The following GLCE variants were observed in gnomAD, a reference collection of about 807,000 sequenced individuals.
GLCE encodes the protein D-glucuronyl C5-epimerase.
Under a neutral mutation model 47.9 loss-of-function variants are expected in GLCE, and 19 were observed. That is an observed-to-expected ratio of 0.40 (90% CI 0.28 to 0.58). GLCE has a LOEUF of 0.58. GLCE is among the 20% of genes least tolerant of loss of function. GLCE has a pLI of 0.48. For missense variants in GLCE, 556 were observed against 743.3 expected (o/e 0.75, Z 2.93); for synonymous variants, 245 against 263.4 (o/e 0.93, Z 0.68).
intron 1 of GLCE, among the ~76,000 whole-genome samples, chr15:69,205,947 AG>A (rs1380546099): frequency 6.6e-6 from 1 of 152,054 alleles, no homozygotes; most frequent in African/African-American, 2.4e-5. Context: ...TACAAAACCA[AG>A]TGCATTTTTC....
At chr15:69,217,170 A>G (rs1457469856) in intron 2 of GLCE, among the ~76,000 whole-genome samples, 1 of 151,750 alleles carries the variant, frequency 6.6e-6, no homozygotes, top group African/African-American at 2.4e-5. Flanking sequence ...CTTATAAAAC[A>G]TATATATATA....
chr15:69,253,767 A>G (rs185523690), intron 2 of GLCE, among the ~76,000 whole-genome samples: 18 of 152,360 alleles, frequency 1.2e-4, no homozygotes, highest in African/African-American at 3.8e-4. Context: ...CAGAATTCCT[A>G]GGATAAACAA....
chr15:69,178,927 A>G (rs1408855133), intron 1 of GLCE, among the ~76,000 whole-genome samples: 1 of 152,224 alleles, frequency 6.6e-6, no homozygotes, highest in Non-Finnish European at 1.5e-5. Flanking sequence ...GTCATAAAAA[A>G]AGAAAAAAGG....
intron 2 of GLCE, among the ~76,000 whole-genome samples, chr15:69,230,524 A>G (rs765800221): frequency 3.3e-5 from 5 of 152,152 alleles, no homozygotes; most frequent in Admixed American, 1.3e-4. Context: ...ATTCAGTTGA[A>G]CTGTAGTCTA....
chr15:69,202,743 G>A (rs1033190376), intron 1 of GLCE, among the ~76,000 whole-genome samples: 1 of 152,070 alleles, frequency 6.6e-6, no homozygotes, highest in East Asian at 1.9e-4. Flanking sequence ...AAATATACTT[G>A]TAACACAGGT....
intron 1 of GLCE, among the ~76,000 whole-genome samples, chr15:69,189,022 A>G (rs751293220): frequency 4.6e-5 from 7 of 152,062 alleles, no homozygotes; most frequent in Non-Finnish European, 1.0e-4. Context: ...CTGAACCTAC[A>G]GTGATGTATC....
In GLCE at chr15:69,271,407, A is replaced by G. The variant is rs1476053824; in HGVS notation, c.*2163A>G. 1 of 152,646 alleles carries G rather than the reference A, an allele frequency of 6.6e-6. No homozygotes were observed. The highest frequency in any genetic ancestry group is 1.5e-5 in the Non-Finnish European group (1 of 68,052). The allele number at this position is 152,646 out of a possible 1,614,324, so 9.5% of individuals were successfully genotyped here. On this transcript the variant is annotated 3_prime_UTR_variant, in exon 5 of 5. Transcript: ENST00000261858. The stretch of plus-strand genomic sequence containing the variant: ...CCAGAGTCAGTAAATCTGCCTGTGA[A>G]GTATGATAGTCTGCATTTGTAATGA...
At chr15:69,224,118 T>C (rs1176760745) in intron 2 of GLCE, among the ~76,000 whole-genome samples, 1 of 152,224 alleles carries the variant, frequency 6.6e-6, no homozygotes, top group East Asian at 1.9e-4. Context: ...TGTTTCTTTG[T>C]ATGCCTTGTG....
At chr15:69,195,932 C>T (rs1373964052) in intron 1 of GLCE, among the ~76,000 whole-genome samples, 1 of 152,004 alleles carries the variant, frequency 6.6e-6, no homozygotes, top group Non-Finnish European at 1.5e-5. Flanking sequence ...ATTTCTGCCT[C>T]TATGGAGCTT....
At chr15:69,164,497 T>G (rs766926722) in intron 1 of GLCE, among the ~76,000 whole-genome samples, 1 of 150,266 alleles carries the variant, frequency 6.7e-6, no homozygotes, top group Non-Finnish European at 1.5e-5. Flanking sequence ...TATATACATA[T>G]ATGACATGTG....
intron 2 of GLCE, among the ~76,000 whole-genome samples, chr15:69,255,399 T>C (rs1211845938): frequency 6.6e-6 from 1 of 152,172 alleles, no homozygotes; most frequent in African/African-American, 2.4e-5. Context: ...CTGTTAAGTG[T>C]AATGCAGATA....
At chr15:69,225,354 T>C (rs2052432234) in intron 2 of GLCE, among the ~76,000 whole-genome samples, 1 of 152,126 alleles carries the variant, frequency 6.6e-6, no homozygotes, top group South Asian at 2.1e-4. Context: ...CATTAGGATA[T>C]ACCAGGACTT....
At chr15:69,216,186 C>T (rs566920421) in intron 2 of GLCE, among the ~76,000 whole-genome samples, 4 of 152,126 alleles carry the variant, frequency 2.6e-5, no homozygotes, top group East Asian at 3.9e-4. Flanking sequence ...TAAAACAAGA[C>T]GAAGTGTAAT....
In GLCE at chr15:69,268,318, C is replaced by G. The variant is rs767974715; in HGVS notation, c.928C>G (p.Leu310Val). The G allele has an allele frequency of 6.2e-7, 1 of 1,611,230 alleles. No individual in the cohort carries two copies. Among genetic ancestry groups the G allele is most frequent in the Non-Finnish European group, 8.5e-7 (1 of 1,177,374 alleles). Residue 310 changes from leucine (L) to valine (V), a missense_variant, in exon 5 of 5, where the codon CTA becomes GTA. Around this residue, in one of 3 missense-constraint regions of GLCE, gnomAD observed 74 missense variants for 64.4 expected, o/e 1.15. Transcript: ENST00000261858. ...FLTNGSVSVV[L>V]ETTEKNQLFT... Reference sequence around the variant, plus strand: ...GACAAATGGAAGTGTGTCCGTGGTTCTAGAGACCACAGAAAAGAATCAGCT... The same window carrying G: ...GACAAATGGAAGTGTGTCCGTGGTTGTAGAGACCACAGAAAAGAATCAGCT...
intron 2 of GLCE, among the ~76,000 whole-genome samples, chr15:69,227,225 G>A (rs1042996003): frequency 3.4e-4 from 52 of 152,156 alleles, no homozygotes; most frequent in South Asian, 6.2e-4. Context: ...CTAAGATTAT[G>A]GGGAATATTT....
chr15:69,205,885 A>G (rs1365465072), intron 1 of GLCE, among the ~76,000 whole-genome samples: 1 of 152,118 alleles, frequency 6.6e-6, no homozygotes, highest in East Asian at 1.9e-4. Context: ...TAATACAAAG[A>G]GTTTTATATT....
chr15:69,178,679 A>G (rs940414119), intron 1 of GLCE, among the ~76,000 whole-genome samples: 2 of 152,192 alleles, frequency 1.3e-5, no homozygotes, highest in African/African-American at 4.8e-5. Context: ...AACACTGGCA[A>G]AGATATCTAG....
At chr15:69,174,408 GAGAC>G (rs1264057786) in intron 1 of GLCE, among the ~76,000 whole-genome samples, 2 of 103,656 alleles carry the variant, frequency 1.9e-5, no homozygotes, top group Non-Finnish European at 2.6e-5. Context: ...TCAGGAGTTT[GAGAC>G]CAACCTGGCC....
intron 1 of GLCE, among the ~76,000 whole-genome samples, chr15:69,189,977 C>T (rs1299180790): frequency 6.6e-6 from 1 of 152,106 alleles, no homozygotes; most frequent in Non-Finnish European, 1.5e-5. Context: ...TCATCCCACT[C>T]TCCACCCTCC....
Sources: allele counts gnomAD v4.1 joint callset (sites outside exome capture counted in the v4.1 genomes callset), GRCh38; gene constraint gnomAD v4.1.1; regional missense constraint gnomAD v4.1.1; transcripts MANE v1.5; gene names NCBI Gene and HGNC (gene_info 2026-07-23, HGNC 2026-07-21).